The following ADAMTS6 variants were observed in gnomAD, a reference collection of about 807,000 sequenced individuals.
ADAMTS6 encodes A disintegrin and metalloproteinase with thrombospondin motifs 6.
Under a neutral mutation model 144.3 loss-of-function variants are expected in ADAMTS6, and 23 were observed. The ratio of observed to expected loss-of-function variants is 0.16; its 90% CI spans 0.11 to 0.23. The LOEUF (loss-of-function observed/expected upper bound fraction) is 0.23. ADAMTS6 is among the 10% of genes least tolerant of loss of function. The pLI, the probability that ADAMTS6 is intolerant of heterozygous loss-of-function variation, is 1.00. For synonymous variants in ADAMTS6, 444 were observed against 457.5 expected (o/e 0.97, Z 0.38); for missense variants, 999 against 1,379.6 (o/e 0.72, Z 4.37).
intron 11 of ADAMTS6, among the ~76,000 whole-genome samples, chr5:65,280,947 C>T (rs140201055): frequency 5.9e-5 from 9 of 152,250 alleles, no homozygotes; most frequent in African/African-American, 2.2e-4. Context: ...TGAACTAAAA[C>T]TGAATCCCCA....
chr5:65,224,468 A>T (rs1313547336), intron 17 of ADAMTS6, 68 bp from the exon 18 acceptor site: 3 of 1,279,854 alleles, frequency 2.3e-6, no homozygotes, highest in Non-Finnish European at 3.4e-6. Flanking sequence ...TAACCATTCA[A>T]TAGTAATAGT....
intron 7 of ADAMTS6, among the ~76,000 whole-genome samples, chr5:65,374,232 C>T (rs1217580504): frequency 6.6e-6 from 1 of 152,016 alleles, no homozygotes; most frequent in African/African-American, 2.4e-5. Flanking sequence ...CACTCCTATT[C>T]AACATAGTGT....
intron 7 of ADAMTS6, among the ~76,000 whole-genome samples, chr5:65,382,512 C>G (rs7720568): frequency 0.56 from 85,114 of 152,146 alleles, 24,926 homozygotes; most frequent in African/African-American, 0.73. Flanking sequence ...GAGCCATCAG[C>G]TTGTATCCTT....
At chr5:65,164,236 G>A (rs1752990493) in intron 24 of ADAMTS6, among the ~76,000 whole-genome samples, 1 of 151,976 alleles carries the variant, frequency 6.6e-6, no homozygotes, top group South Asian at 2.1e-4. Context: ...AAGGGGTCAG[G>A]GAGTTCCCTT....
chr5:65,368,820 C>G (rs1027377235), intron 7 of ADAMTS6, among the ~76,000 whole-genome samples: 9 of 152,054 alleles, frequency 5.9e-5, no homozygotes, highest in Non-Finnish European at 1.3e-4. Flanking sequence ...TTTGGGAGGC[C>G]GAGGCGGGTG....
In ADAMTS6 at chr5:65,195,882, T is replaced by A. The variant is rs536761645; in HGVS notation, c.2705+1140A>T. Reference sequence around the variant, plus strand: ...TCACACATGTTTTCTCTTGCAGTTTTCAATCAGGCAAAATCTCTACAAAGA... The same window carrying A: ...TCACACATGTTTTCTCTTGCAGTTTACAATCAGGCAAAATCTCTACAAAGA... On this transcript the variant is annotated intron_variant, in intron 21 of 24. Transcript: ENST00000381055. Among the ~76,000 whole-genome samples, 333 of 152,358 alleles carry A rather than the reference T, an allele frequency of 2.2e-3. 1 individual carries two copies. Among genetic ancestry groups the A allele is most frequent in the Non-Finnish European group, 3.6e-3 (248 of 68,034 alleles).
intron 7 of ADAMTS6, among the ~76,000 whole-genome samples, chr5:65,408,344 C>T (rs976176121): frequency 2.0e-5 from 3 of 152,078 alleles, no homozygotes; most frequent in African/African-American, 7.2e-5. Context: ...GCAGGGGTTG[C>T]AATCCTAGTC....
At position 65,189,472 on chromosome 5, in the gene ADAMTS6, C is replaced by T. The variant is rs534345315; in HGVS notation, c.2706-1252G>A. Among the ~76,000 whole-genome samples, 93 of 152,266 alleles carry T rather than the reference C, an allele frequency of 6.1e-4. No homozygotes were observed. In the South Asian group the frequency reaches 0.011, roughly 18 times the overall value. On this transcript the variant is annotated intron_variant, in intron 21 of 24. Transcript: ENST00000381055. ...AAATTAGCTGATTTCAAAGAATGCA[C>T]AGGAGCTAGAAAGCCTGGGTGGTGT...
At chr5:65,262,045 CTT>C (rs1021818402) in intron 13 of ADAMTS6, among the ~76,000 whole-genome samples, 4 of 152,026 alleles carry the variant, frequency 2.6e-5, no homozygotes, top group Non-Finnish European at 5.9e-5. Context: ...AAAATGGGCA[CTT>C]GACATGCGGC....
chr5:65,215,496 C>A lies in ADAMTS6; in HGVS notation c.2273-9G>T. 6.3e-7 allele frequency: 1 copy of A among 1,597,870 alleles called. No homozygotes were observed. The highest frequency in any genetic ancestry group is 8.5e-7 in the Non-Finnish European group (1 of 1,174,056). ...TCCTTCAGATTTTAAAGCTAGAAAA[C>A]AAATCACAATTCACCTAAAAATGTG... On this transcript the variant is annotated splice_polypyrimidine_tract_variant and intron_variant, in intron 18 of 24. Transcript: ENST00000381055.
chr5:65,388,084 C>T (rs1348880169), intron 7 of ADAMTS6, among the ~76,000 whole-genome samples: 1 of 152,150 alleles, frequency 6.6e-6, no homozygotes. Flanking sequence ...GTGGCAGGTG[C>T]CTGTAATCCC....
chr5:65,417,453 G>C (rs1755637133), intron 7 of ADAMTS6, among the ~76,000 whole-genome samples: 1 of 152,122 alleles, frequency 6.6e-6, no homozygotes, highest in Non-Finnish European at 1.5e-5. Context: ...CTGCGCATAG[G>C]ATGATATAAT....
chr5:65,433,955 T>A (rs1757190063), intron 7 of ADAMTS6, among the ~76,000 whole-genome samples: 1 of 152,144 alleles, frequency 6.6e-6, no homozygotes. Flanking sequence ...AACTCCCACA[T>A]GAATGTCCAC....
At chr5:65,421,934 A>G (rs1756079585) in intron 7 of ADAMTS6, among the ~76,000 whole-genome samples, 1 of 152,196 alleles carries the variant, frequency 6.6e-6, no homozygotes, top group Non-Finnish European at 1.5e-5. Context: ...ACAAAAGCTA[A>G]TGCAACAAAA....
intron 7 of ADAMTS6, among the ~76,000 whole-genome samples, chr5:65,449,520 G>T (rs1429313800): frequency 6.6e-6 from 1 of 152,060 alleles, no homozygotes. Context: ...TGAGGCTGAG[G>T]CAGGAGAATC....
chr5:65,190,120 T>A (rs894801625), intron 21 of ADAMTS6, among the ~76,000 whole-genome samples: 3 of 152,198 alleles, frequency 2.0e-5, no homozygotes, highest in Non-Finnish European at 4.4e-5. Flanking sequence ...TCGTATTGTC[T>A]TTACTTATAA....
At chr5:65,449,738 G>A (rs146754407) in intron 7 of ADAMTS6, among the ~76,000 whole-genome samples, 68 of 152,240 alleles carry the variant, frequency 4.5e-4, no homozygotes, top group African/African-American at 1.5e-3. Context: ...GCAGAGAATC[G>A]GGAAAATATC....
intron 24 of ADAMTS6, among the ~76,000 whole-genome samples, chr5:65,159,528 C>CA (rs1423699335): frequency 1.3e-5 from 2 of 152,216 alleles, no homozygotes; most frequent in African/African-American, 4.8e-5. Context: ...GAATGCCCTG[C>CA]ATTTCAATGT....
intron 7 of ADAMTS6, among the ~76,000 whole-genome samples, chr5:65,417,496 A>G (rs1755638573): frequency 6.6e-6 from 1 of 152,232 alleles, no homozygotes; most frequent in Admixed American, 6.5e-5. Flanking sequence ...GACTGCCAAA[A>G]GGTTTCTGGA....
Sources: allele counts gnomAD v4.1 joint callset (sites outside exome capture counted in the v4.1 genomes callset), GRCh38; gene constraint gnomAD v4.1.1; transcripts MANE v1.5; gene names NCBI Gene and HGNC (gene_info 2026-07-23, HGNC 2026-07-21).